FHIT: variants seen among roughly 807,000 people sequenced by gnomAD.
FHIT encodes the protein fragile histidine triad diadenosine triphosphatase.
FHIT carries 19 observed loss-of-function variants against 17.9 expected under a neutral mutation model. The ratio of observed to expected loss-of-function variants is 1.06; its 90% CI spans 0.74 to 1.56. The LOEUF is 1.56. Among genes scored for constraint, FHIT ranks in the 40% most tolerant of loss-of-function variants. The probability of loss-of-function intolerance (pLI) is 0.00; values close to 1 mark genes in which losing one functional copy is unlikely to be tolerated. For synonymous variants in FHIT, 81 were observed against 69.7 expected (o/e 1.16, Z -0.81); for missense variants, 248 against 189.2 (o/e 1.31, Z -1.82).
At position 60,907,688 on chromosome 3, in the gene FHIT, G is replaced by C. The variant is rs560310962; in HGVS notation, c.-110-85677C>G. Among the ~76,000 whole-genome samples, 30 of 152,034 alleles carry C rather than the reference G, an allele frequency of 2.0e-4. No homozygotes were observed. The South Asian group carries it at 6.3e-3, about 32-fold the overall frequency. On this transcript the variant is annotated intron_variant, in intron 3 of 9. Coordinates refer to ENST00000492590, the MANE Select transcript of FHIT (RefSeq NM_002012.4). ...ATTTTTTAAAGTATAATAAATGAGAGAAAAAAAGCCAATGAACAATTACAA... is the reference window on the plus strand; with the variant it reads ...ATTTTTTAAAGTATAATAAATGAGACAAAAAAAGCCAATGAACAATTACAA...
At chr3:61,235,184 C>T (rs2106891913) in intron 1 of FHIT, among the ~76,000 whole-genome samples, 1 of 152,178 alleles carries the variant, frequency 6.6e-6, no homozygotes, top group East Asian at 1.9e-4. Flanking sequence ...GACCTTTTTG[C>T]CACCTAAGGA....
intron 6 of FHIT, 131 bp downstream of exon 6, chr3:60,013,874 ATC>A: frequency 2.2e-6 from 2 of 901,884 alleles, no homozygotes; most frequent in Non-Finnish European, 3.4e-6. Context: ...TGCATTAGAA[ATC>A]TCTTTTTTTG....
chr3:61,154,683 C>G (rs1024649687), intron 2 of FHIT, among the ~76,000 whole-genome samples: 6 of 152,168 alleles, frequency 3.9e-5, no homozygotes, highest in African/African-American at 1.4e-4. Flanking sequence ...AGCTCTGCAG[C>G]CTTCCCTGGA....
At chr3:60,528,515 G>A (rs1179055831) in intron 5 of FHIT, among the ~76,000 whole-genome samples, 1 of 152,120 alleles carries the variant, frequency 6.6e-6, no homozygotes, top group Non-Finnish European at 1.5e-5. Context: ...CCACTATTAG[G>A]AGGCTAAGTT....
At chr3:60,931,329 C>G (rs1427365701) in intron 3 of FHIT, among the ~76,000 whole-genome samples, 1 of 151,882 alleles carries the variant, frequency 6.6e-6, no homozygotes, top group Non-Finnish European at 1.5e-5. Context: ...CAAACCTGCA[C>G]GTTGTGCACA....
At chr3:60,767,495 A>G (rs1434474579) in intron 4 of FHIT, among the ~76,000 whole-genome samples, 1 of 152,240 alleles carries the variant, frequency 6.6e-6, no homozygotes, top group African/African-American at 2.4e-5. Context: ...TGTGCCTGGT[A>G]AGTGATGGAA....
chr3:60,142,642 T>G (rs544958636), intron 5 of FHIT, among the ~76,000 whole-genome samples: 32 of 151,858 alleles, frequency 2.1e-4, no homozygotes, highest in African/African-American at 7.5e-4. Flanking sequence ...GCTGGGACTA[T>G]AGGTGCACAC....
intron 4 of FHIT, among the ~76,000 whole-genome samples, chr3:60,799,791 T>C (rs781974852): frequency 6.6e-6 from 1 of 152,246 alleles, no homozygotes; most frequent in Non-Finnish European, 1.5e-5. Context: ...CACTGCATCC[T>C]GTTCAATTTC....
chr3:61,190,426 AAAC>A (rs1181997347), intron 2 of FHIT, among the ~76,000 whole-genome samples: 1 of 152,202 alleles, frequency 6.6e-6, no homozygotes, highest in Non-Finnish European at 1.5e-5. Flanking sequence ...AAAAGTCAGG[AAAC>A]AACAGGTGCT....
At chr3:60,199,355 G>A (rs756719600) in intron 5 of FHIT, among the ~76,000 whole-genome samples, 2 of 152,030 alleles carry the variant, frequency 1.3e-5, no homozygotes, top group Non-Finnish European at 2.9e-5. Flanking sequence ...TTTTAAGTTT[G>A]GTGAGACAGG....
intron 5 of FHIT, among the ~76,000 whole-genome samples, chr3:60,172,382 C>T (rs1701460695): frequency 2.0e-5 from 3 of 152,186 alleles, no homozygotes; most frequent in African/African-American, 7.2e-5. Context: ...TCTCCTGCCT[C>T]AGCACCCCGA....
chr3:60,619,052 T>C (rs2039037352), intron 4 of FHIT, among the ~76,000 whole-genome samples: 1 of 149,268 alleles, frequency 6.7e-6, no homozygotes, highest in African/African-American at 2.6e-5. Flanking sequence ...TTGTGTTGTT[T>C]GAAGCCACTG....
intron 5 of FHIT, among the ~76,000 whole-genome samples, chr3:60,068,760 C>T (rs778353350): frequency 3.9e-5 from 6 of 152,100 alleles, no homozygotes; most frequent in African/African-American, 7.2e-5. Flanking sequence ...TTTTCCTCTA[C>T]CTGATTTTTA....
chr3:59,987,380 T>C (rs984980820), intron 7 of FHIT, among the ~76,000 whole-genome samples: 1 of 151,824 alleles, frequency 6.6e-6, no homozygotes, highest in Non-Finnish European at 1.5e-5. Context: ...GTGTGTCTCA[T>C]GGGACAAAAG....
chr3:60,149,721 A>T (rs1018622774), intron 5 of FHIT, among the ~76,000 whole-genome samples: 14 of 151,882 alleles, frequency 9.2e-5, no homozygotes, highest in Non-Finnish European at 1.9e-4. Flanking sequence ...TTCCATCCTT[A>T]GACATGAAGA....
chr3:60,785,516 C>T (rs928053696), intron 4 of FHIT, among the ~76,000 whole-genome samples: 4 of 152,168 alleles, frequency 2.6e-5, no homozygotes, highest in Non-Finnish European at 4.4e-5. Context: ...GGTTTATTTA[C>T]TATTGCAGCC....
At chr3:60,706,553 T>C (rs1553703615) in intron 4 of FHIT, among the ~76,000 whole-genome samples, 2 of 152,190 alleles carry the variant, frequency 1.3e-5, no homozygotes, top group Non-Finnish European at 2.9e-5. Flanking sequence ...GAGTGAACAA[T>C]AATTACCTCG....
At chr3:60,953,415 G>A (rs992090438) in intron 3 of FHIT, among the ~76,000 whole-genome samples, 12 of 151,452 alleles carry the variant, frequency 7.9e-5, no homozygotes, top group African/African-American at 2.9e-4. Context: ...TATTTGGACC[G>A]AAATCCTTCA....
intron 5 of FHIT, among the ~76,000 whole-genome samples, chr3:60,330,252 C>G (rs1414012277): frequency 6.6e-6 from 1 of 152,120 alleles, no homozygotes; most frequent in Admixed American, 6.5e-5. Flanking sequence ...CAGCAATGCT[C>G]GATCAGGATT....
Sources: allele counts gnomAD v4.1 joint callset (sites outside exome capture counted in the v4.1 genomes callset), GRCh38; gene constraint gnomAD v4.1.1; transcripts MANE v1.5; gene names NCBI Gene and HGNC (gene_info 2026-07-23, HGNC 2026-07-21).